Variants in CPEB3 observed in about 807,000 individuals in gnomAD.
CPEB3 encodes cytoplasmic polyadenylation element binding protein 3, also known as cytoplasmic polyadenylation element-binding protein 3.
CPEB3 carries 20 observed loss-of-function variants against 67.2 expected under a neutral mutation model. The observed-to-expected ratio is 0.30, with a 90% CI of 0.21 to 0.43. CPEB3 has a LOEUF of 0.43. CPEB3 is among the 20% of genes least tolerant of loss of function. The probability of loss-of-function intolerance (pLI) is 1.00; values close to 1 mark genes in which losing one functional copy is unlikely to be tolerated. For synonymous variants in CPEB3, 376 were observed against 393.1 expected (o/e 0.96, Z 0.51); for missense variants, 746 against 968.6 (o/e 0.77, Z 3.05).
intron 1 of CPEB3, among the ~76,000 whole-genome samples, chr10:92,288,544 T>C (rs951737751): frequency 1.3e-5 from 2 of 151,384 alleles, no homozygotes; most frequent in African/African-American, 4.8e-5. Context: ...CTCTTGAAAA[T>C]ACCTAGAAGT....
At chr10:92,217,923 G>A (rs983695701) in intron 2 of CPEB3, among the ~76,000 whole-genome samples, 7 of 152,140 alleles carry the variant, frequency 4.6e-5, no homozygotes, top group African/African-American at 1.7e-4. Flanking sequence ...TTCAAGACCA[G>A]CCTGGCCAAC....
chr10:92,208,796 C>T (rs1444231531), intron 2 of CPEB3, among the ~76,000 whole-genome samples: 2 of 151,830 alleles, frequency 1.3e-5, no homozygotes, highest in Non-Finnish European at 2.9e-5. Context: ...GGTTTCACCA[C>T]GTTGGCCAGG....
intron 9 of CPEB3, among the ~76,000 whole-genome samples, chr10:92,071,861 G>A (rs993912082): frequency 3.3e-5 from 5 of 151,926 alleles, no homozygotes; most frequent in African/African-American, 9.7e-5. Flanking sequence ...ATATGTAAAT[G>A]ACCTAGATTT....
intron 2 of CPEB3, among the ~76,000 whole-genome samples, chr10:92,215,873 C>G (rs956267895): frequency 6.6e-6 from 1 of 150,732 alleles, no homozygotes; most frequent in Non-Finnish European, 1.5e-5. Flanking sequence ...CTCAGCCTCC[C>G]GAGTAGGCTG....
chr10:92,186,006 T>C (rs148014088), intron 3 of CPEB3, among the ~76,000 whole-genome samples: 5 of 152,168 alleles, frequency 3.3e-5, no homozygotes, highest in African/African-American at 4.8e-5. Context: ...CGGGTAATTT[T>C]TGGCAAGTTG....
chr10:92,258,804 C>T (rs1480479370), intron 1 of CPEB3, among the ~76,000 whole-genome samples: 3 of 151,040 alleles, frequency 2.0e-5, no homozygotes, highest in African/African-American at 7.3e-5. Context: ...ACTACAGGCA[C>T]CCACCACCAC....
At chr10:92,217,846 A>G (rs866993572) in intron 2 of CPEB3, among the ~76,000 whole-genome samples, 1 of 152,202 alleles carries the variant, frequency 6.6e-6, no homozygotes, top group African/African-American at 2.4e-5. Flanking sequence ...TTCAAAATCA[A>G]AGAGGTCAGG....
chr10:92,098,770 CTTTTTTTTTTTT>C (rs984013045), intron 7 of CPEB3, among the ~76,000 whole-genome samples: 1 of 124,558 alleles, frequency 8.0e-6, no homozygotes, highest in Admixed American at 8.1e-5. Flanking sequence ...TTCTTTTTTT[CTTTTTTTTTTTT>C]TTTTTTTGAG....
At chr10:92,145,119 CAA>C (rs1846616456) in intron 4 of CPEB3, 34 bp from the exon 5 acceptor site, 1 of 1,610,282 alleles carries the variant, frequency 6.2e-7, no homozygotes, top group African/African-American at 1.3e-5. Flanking sequence ...CGACCTGAAA[CAA>C]ATGTGGGAGT....
At chr10:92,154,129 G>A (rs907168236) in intron 4 of CPEB3, among the ~76,000 whole-genome samples, 7 of 152,224 alleles carry the variant, frequency 4.6e-5, no homozygotes, top group African/African-American at 1.7e-4. Context: ...TATATTAAAT[G>A]TGTAGGCAAA....
Position 92,137,649 on chromosome 10 carries a change from G to T in CPEB3, c.1453+5380C>A. 1.0e-5 allele frequency: 6 copies of T among 576,436 alleles called. No homozygotes were observed. The South Asian group carries it at 1.2e-4, about 11-fold the overall frequency. 35.7% of individuals were successfully genotyped at this position (576,436 alleles called of 1,614,324 possible). ...GGAAACTGAGCACACTGTGTGGCTT[G>T]TATGAAACCCTGATTGTCACCCTAG... On this transcript the variant is annotated intron_variant, in intron 6 of 9. Transcript: ENST00000265997.
At chr10:92,112,784 T>G (rs1844815777) in intron 6 of CPEB3, among the ~76,000 whole-genome samples, 1 of 152,120 alleles carries the variant, frequency 6.6e-6, no homozygotes, top group Admixed American at 6.5e-5. Flanking sequence ...GCTACTAACC[T>G]CAAAGGAAAC....
chr10:92,137,302 G>A, intron 6 of CPEB3: 5 of 681,946 alleles, frequency 7.3e-6, no homozygotes, highest in Non-Finnish European at 1.0e-5. Flanking sequence ...ACAGATGGAA[G>A]TTCCCCATAT....
At chr10:92,063,723 C>A (rs534749191) in intron 9 of CPEB3, among the ~76,000 whole-genome samples, 43 of 151,226 alleles carry the variant, frequency 2.8e-4, no homozygotes, top group Non-Finnish European at 5.6e-4. Flanking sequence ...AAGATCACAC[C>A]ACTGCACTCC....
intron 8 of CPEB3, among the ~76,000 whole-genome samples, chr10:92,085,889 C>T (rs1445674912): frequency 6.6e-6 from 1 of 152,090 alleles, no homozygotes; most frequent in African/African-American, 2.4e-5. Context: ...GGATTACAGG[C>T]GTGAGCCACC....
At chr10:92,117,324 CTT>C (rs35220275) in intron 6 of CPEB3, among the ~76,000 whole-genome samples, 14 of 79,982 alleles carry the variant, frequency 1.8e-4, no homozygotes, top group African/African-American at 6.5e-4. Context: ...GCCTGGCTGA[CTT>C]TTTTTTTTTT....
intron 1 of CPEB3, among the ~76,000 whole-genome samples, chr10:92,274,978 A>G (rs1178931571): frequency 1.3e-5 from 2 of 152,176 alleles, no homozygotes; most frequent in Non-Finnish European, 1.5e-5. Flanking sequence ...AACTGTGAGC[A>G]GAATAAAAAC....
Position 92,274,578 on chromosome 10 carries a change from T to C in CPEB3, c.-12+16348A>G, listed in dbSNP as rs528802164. Among the ~76,000 whole-genome samples, 233 of 152,278 alleles carry C rather than the reference T, an allele frequency of 1.5e-3. 1 individual carries two copies. The highest frequency in any genetic ancestry group is 5.4e-3 in the African/African-American group (225 of 41,560). On this transcript the variant is annotated intron_variant, in intron 1 of 9. Transcript: ENST00000265997. ...TTCTGGGGCCAGGCATGGTGGCTCA[T>C]GCCTGTAATTCCAGGACTTCGGGAG...
At chr10:92,114,106 C>T (rs1040457440) in intron 6 of CPEB3, among the ~76,000 whole-genome samples, 1 of 152,102 alleles carries the variant, frequency 6.6e-6, no homozygotes, top group African/African-American at 2.4e-5. Context: ...CTCCCCCCAA[C>T]CCCCCAAAAT....
Sources: allele counts gnomAD v4.1 joint callset (sites outside exome capture counted in the v4.1 genomes callset), GRCh38; gene constraint gnomAD v4.1.1; transcripts MANE v1.5; gene names NCBI Gene and HGNC (gene_info 2026-07-23, HGNC 2026-07-21).